COL25A1: variants seen among roughly 807,000 people sequenced by gnomAD.
The protein encoded by COL25A1 is collagen alpha-1(XXV) chain.
In COL25A1, 103 loss-of-function variants were observed where a neutral mutation model predicts 128.4. The observed-to-expected ratio is 0.80, with a 90% CI of 0.68 to 0.94. The LOEUF (loss-of-function observed/expected upper bound fraction) is 0.94, where lower values mean the gene tolerates loss of function less well. Ranked by LOEUF, COL25A1 falls within the 40% of genes least tolerant of loss-of-function variation. The pLI is 0.00. For missense variants in COL25A1, 745 were observed against 840.0 expected, an observed-to-expected ratio of 0.89 and a Z score of 1.40; for synonymous variants, 279 against 277.2, an observed-to-expected ratio of 1.01 and a Z score of -0.06.
intron 3 of COL25A1, among the ~76,000 whole-genome samples, chr4:109,188,095 A>G (rs1032443805): frequency 3.3e-5 from 5 of 152,186 alleles, no homozygotes; most frequent in African/African-American, 1.2e-4. Context: ...AAACACAATA[A>G]GAGATCATAA....
intron 20 of COL25A1, 21 bp downstream of exon 20, chr4:108,869,067 G>C: frequency 6.7e-7 from 1 of 1,496,640 alleles, no homozygotes; most frequent in Non-Finnish European, 9.2e-7. Flanking sequence ...AAGAAAGAAG[G>C]AAAGAAAGAG....
intron 8 of COL25A1, among the ~76,000 whole-genome samples, chr4:108,956,192 T>C (rs1337819397): frequency 6.6e-6 from 1 of 152,096 alleles, no homozygotes. Context: ...TTTAAAAGGG[T>C]TATTAGTAGG....
intron 6 of COL25A1, among the ~76,000 whole-genome samples, chr4:108,996,193 G>C (rs1196636834): frequency 6.7e-6 from 1 of 150,340 alleles, no homozygotes; most frequent in Non-Finnish European, 1.5e-5. Flanking sequence ...AAAGAGTCAG[G>C]ACCCATCGGT....
chr4:108,837,413 T>C (rs1002236715), intron 31 of COL25A1, among the ~76,000 whole-genome samples: 5 of 152,112 alleles, frequency 3.3e-5, no homozygotes, highest in Admixed American at 6.5e-5. Context: ...TTAATAACAA[T>C]TTAAAAAAAT....
At chr4:109,174,471 C>T (rs913759283) in intron 3 of COL25A1, among the ~76,000 whole-genome samples, 2 of 152,224 alleles carry the variant, frequency 1.3e-5, no homozygotes, top group African/African-American at 2.4e-5. Context: ...CAATCACATC[C>T]TCCCACAGGA....
chr4:108,908,045 G>C (rs1743738352), intron 13 of COL25A1, among the ~76,000 whole-genome samples: 1 of 152,168 alleles, frequency 6.6e-6, no homozygotes, highest in Admixed American at 6.5e-5. Flanking sequence ...TCTTGTTGTT[G>C]TTGGACTAAA....
At chr4:108,849,929 T>G (rs1578536276) in intron 26 of COL25A1, among the ~76,000 whole-genome samples, 1 of 152,286 alleles carries the variant, frequency 6.6e-6, no homozygotes, top group Non-Finnish European at 1.5e-5. Flanking sequence ...TATAAACAAA[T>G]GAAGCAAGAA....
chr4:109,208,285 C>A (rs1384701110), intron 3 of COL25A1, among the ~76,000 whole-genome samples: 1 of 152,120 alleles, frequency 6.6e-6, no homozygotes, highest in Non-Finnish European at 1.5e-5. Context: ...ATCCAGCACA[C>A]CAAAAATAAT....
chr4:108,932,162 A>T (rs1471255929), intron 11 of COL25A1, among the ~76,000 whole-genome samples: 1 of 152,230 alleles, frequency 6.6e-6, no homozygotes, highest in East Asian at 1.9e-4. Flanking sequence ...GGCAGATCAA[A>T]GCACAGTGAA....
chr4:108,855,632 A>C (rs1307676295), intron 24 of COL25A1, among the ~76,000 whole-genome samples: 1 of 152,162 alleles, frequency 6.6e-6, no homozygotes, highest in African/African-American at 2.4e-5. Flanking sequence ...AAATTTAAAG[A>C]TAACATGTTT....
At chr4:109,270,152 A>T (rs1782092788) in intron 3 of COL25A1, among the ~76,000 whole-genome samples, 1 of 152,098 alleles carries the variant, frequency 6.6e-6, no homozygotes, top group East Asian at 1.9e-4. Flanking sequence ...CCCTTTAAAA[A>T]CTGGCACAAG....
intron 16 of COL25A1, among the ~76,000 whole-genome samples, chr4:108,893,734 G>A (rs947991965): frequency 4.6e-5 from 7 of 152,138 alleles, no homozygotes; most frequent in Non-Finnish European, 8.8e-5. Flanking sequence ...CTTGGTAAAC[G>A]ATGAATGAGT....
intron 3 of COL25A1, among the ~76,000 whole-genome samples, chr4:109,143,870 G>T (rs1244552375): frequency 1.3e-5 from 2 of 151,914 alleles, no homozygotes; most frequent in Non-Finnish European, 2.9e-5. Context: ...GTTTACTATT[G>T]CCCACCTTCT....
chr4:109,109,783 T>A (rs1401119550), intron 3 of COL25A1, among the ~76,000 whole-genome samples: 1 of 152,112 alleles, frequency 6.6e-6, no homozygotes, highest in Non-Finnish European at 1.5e-5. Context: ...AATGTCTACA[T>A]CCACATGTGA....
At chr4:108,954,543 C>G (rs1749829197) in intron 8 of COL25A1, among the ~76,000 whole-genome samples, 3 of 151,686 alleles carry the variant, frequency 2.0e-5, no homozygotes, top group Non-Finnish European at 4.4e-5. Flanking sequence ...ATAAGGCAGA[C>G]AAAAATGTCA....
At chr4:109,267,185 T>C (rs925034717) in intron 3 of COL25A1, among the ~76,000 whole-genome samples, 4 of 152,144 alleles carry the variant, frequency 2.6e-5, no homozygotes, top group African/African-American at 9.7e-5. Flanking sequence ...TTTCTGTGGG[T>C]TTATGAAAAA....
chr4:109,083,156 A>AAATCTAAGT (rs1764004293), intron 3 of COL25A1, among the ~76,000 whole-genome samples: 1 of 152,190 alleles, frequency 6.6e-6, no homozygotes, highest in African/African-American at 2.4e-5. Context: ...TCTGAGAAAC[A>AAATCTAAGT]AATCTAAGTA....
At chr4:109,089,769 C>A (rs567859036) in intron 3 of COL25A1, among the ~76,000 whole-genome samples, 120 of 152,134 alleles carry the variant, frequency 7.9e-4, no homozygotes, top group African/African-American at 2.9e-3. Flanking sequence ...ACATGCCTGG[C>A]TAATTTTTAT....
Position 108,822,321 on chromosome 4 carries a change from G to C in COL25A1, c.1845+1853C>G, listed in dbSNP as rs540253871. Among the ~76,000 whole-genome samples the C allele has an allele frequency of 1.6e-4, 25 of 152,216 alleles. No individual in the cohort carries two copies. The South Asian group carries it at 4.8e-3, about 29-fold the overall frequency. On this transcript the variant is annotated intron_variant, in intron 35 of 37. Transcript: ENST00000399132. ...GGCCTCCCAAAGTGTTGGGATTACA[G>C]GCGTGAGCCACCACGCCCGGCGGTA...
Sources: gnomAD v4.1 joint callset for allele counts (sites outside exome capture counted in the v4.1 genomes callset) on GRCh38, gnomAD v4.1.1 for gene constraint, MANE v1.5 for transcripts, NCBI Gene and HGNC (gene_info 2026-07-23, HGNC 2026-07-21) for gene names.